The following ERGIC2 variants were observed in gnomAD, a reference collection of about 807,000 sequenced individuals.
ERGIC2 encodes the protein endoplasmic reticulum-Golgi intermediate compartment protein 2.
A neutral mutation model predicts 52.5 loss-of-function variants in ERGIC2; 31 were observed. That is an observed-to-expected ratio of 0.59 (90% CI 0.44 to 0.80). The LOEUF (loss-of-function observed/expected upper bound fraction) is 0.80, where lower values mean the gene tolerates loss of function less well. ERGIC2 is among the 30% of genes least tolerant of loss of function. The probability of loss-of-function intolerance (pLI) is 0.00; values close to 1 mark genes in which losing one functional copy is unlikely to be tolerated. For missense variants in ERGIC2, 395 were observed against 455.2 expected, an observed-to-expected ratio of 0.87 and a Z score of 1.20; for synonymous variants, 129 against 140.6, an observed-to-expected ratio of 0.92 and a Z score of 0.58.
rs1447445862 is a variant in ERGIC2, at chr12:29,340,870, C to G, written c.*286G>C. On this transcript the variant is annotated 3_prime_UTR_variant, in exon 14 of 14. Transcript: ENST00000360150. ...CAAGAAGCAATGTCTGATTTTGATA[C>G]CACCCATTTGCTATGAAAATATAAG... is the stretch of plus-strand genomic sequence containing the variant. 6 of 473,338 alleles carry G rather than the reference C, an allele frequency of 1.3e-5. No homozygotes were observed. The highest frequency in any genetic ancestry group is 4.0e-5 in the African/African-American group (2 of 49,534). The allele number at this position is 473,338 out of a possible 1,614,324, so 29.3% of individuals were successfully genotyped here.
intron 9 of ERGIC2, among the ~76,000 whole-genome samples, chr12:29,349,529 C>T (rs1313292235): frequency 2.6e-5 from 4 of 151,862 alleles, no homozygotes; most frequent in Non-Finnish European, 4.4e-5. Flanking sequence ...GAATGATGGC[C>T]ATGTGGCCAT....
chr12:29,344,358 C>A (rs981445637), intron 11 of ERGIC2, among the ~76,000 whole-genome samples: 11 of 152,198 alleles, frequency 7.2e-5, no homozygotes, highest in African/African-American at 2.7e-4. Context: ...GATTATGCCA[C>A]TTTGCATCCC....
intron 10 of ERGIC2, among the ~76,000 whole-genome samples, chr12:29,347,044 T>G (rs1341908226): frequency 6.6e-6 from 1 of 152,218 alleles, no homozygotes; most frequent in Non-Finnish European, 1.5e-5. Flanking sequence ...AATATGGTCT[T>G]AAATTTAAGC....
rs149508306 is a variant in ERGIC2 at position 29,373,522 on chromosome 12, A to G, written c.-37-1852T>C. On this transcript the variant is annotated intron_variant, in intron 1 of 13. Transcript: ENST00000360150. ...ATAGGCAAAAGAAAGAAGATTCATA[A>G]AGAAAAAGAAGGGCCAGAGAATGAA... Among the ~76,000 whole-genome samples, 28 of 152,328 alleles carry G rather than the reference A, an allele frequency of 1.8e-4. 1 individual carries two copies. In the East Asian group the frequency reaches 5.4e-3, roughly 29 times the overall value.
At chr12:29,365,737 A>C (rs1264064458) in intron 5 of ERGIC2, among the ~76,000 whole-genome samples, 2 of 152,012 alleles carry the variant, frequency 1.3e-5, no homozygotes, top group Non-Finnish European at 2.9e-5. Context: ...ATGTAATACA[A>C]ATATTAAAAT....
At chr12:29,344,355 C>A (rs1345814224) in intron 11 of ERGIC2, among the ~76,000 whole-genome samples, 1 of 152,176 alleles carries the variant, frequency 6.6e-6, no homozygotes, top group Non-Finnish European at 1.5e-5. Flanking sequence ...AAAGATTATG[C>A]CACTTTGCAT....
intron 8 of ERGIC2, among the ~76,000 whole-genome samples, chr12:29,350,624 C>G (rs1440852047): frequency 6.6e-6 from 1 of 151,962 alleles, no homozygotes; most frequent in African/African-American, 2.4e-5. Context: ...TCTCCTAATA[C>G]TTATTTACTT....
At chr12:29,378,233 T>C (rs1192865029) in intron 1 of ERGIC2, among the ~76,000 whole-genome samples, 3 of 152,012 alleles carry the variant, frequency 2.0e-5, no homozygotes, top group Non-Finnish European at 1.5e-5. Flanking sequence ...GAGACTACAG[T>C]GATGTGTCTA....
At chr12:29,364,664 A>G (rs1242346327) in intron 5 of ERGIC2, among the ~76,000 whole-genome samples, 2 of 152,050 alleles carry the variant, frequency 1.3e-5, no homozygotes, top group East Asian at 3.8e-4. Context: ...CCAACAGAGT[A>G]AACAGACAAC....
Position 29,366,998 on chromosome 12 carries a change from C to A in ERGIC2, c.263-51G>T, listed in dbSNP as rs759834402. The A allele has an allele frequency of 7.8e-6, 9 of 1,150,292 alleles. No homozygotes were observed. The South Asian group carries it at 9.3e-5, about 12-fold the overall frequency. 71.3% of individuals were successfully genotyped at this position (1,150,292 alleles called of 1,614,324 possible). A position where few individuals can be genotyped will look rare whatever the true frequency, so the allele number is the denominator to read the frequency against. ...TTTACATTCTATGCTTGGAGGCAAA[C>A]CATCCCCAATATAAACAAATTAAGC... On this transcript the variant is annotated intron_variant, in intron 4 of 13. Coordinates refer to ENST00000360150, the MANE Select transcript of ERGIC2 (RefSeq NM_016570.3).
At chr12:29,358,182 A>T (rs1701612642) in intron 6 of ERGIC2, among the ~76,000 whole-genome samples, 1 of 152,172 alleles carries the variant, frequency 6.6e-6, no homozygotes, top group African/African-American at 2.4e-5. Flanking sequence ...CAAGTAACTG[A>T]TTTTCACTAC....
chr12:29,350,100 T>C (rs1379339410), intron 8 of ERGIC2, 32 bp from the exon 9 acceptor site: 2 of 1,260,544 alleles, frequency 1.6e-6, no homozygotes, highest in East Asian at 2.4e-5. Context: ...ATTAAAGTAG[T>C]ACCATTTATA....
intron 2 of ERGIC2, among the ~76,000 whole-genome samples, chr12:29,371,198 C>T (rs1940435336): frequency 6.6e-6 from 1 of 151,868 alleles, no homozygotes; most frequent in African/African-American, 2.4e-5. Context: ...TAGTATGATC[C>T]CTATTTCATG....
chr12:29,347,736 T>TC (rs1253298015), intron 10 of ERGIC2, among the ~76,000 whole-genome samples: 7 of 152,202 alleles, frequency 4.6e-5, no homozygotes, highest in African/African-American at 1.7e-4. Flanking sequence ...TTGATTTTTT[T>TC]CTTTTTGGAA....
intron 1 of ERGIC2, 109 bp from the exon 2 acceptor site, chr12:29,371,779 TC>T: frequency 1.8e-6 from 1 of 562,122 alleles, no homozygotes. Flanking sequence ...AACATTCTCA[TC>T]CCCCCTTAAA....
intron 5 of ERGIC2, among the ~76,000 whole-genome samples, chr12:29,363,863 AAC>A (rs1048215799): frequency 1.2e-4 from 19 of 152,100 alleles, no homozygotes; most frequent in Middle Eastern, 3.4e-3. Context: ...GAGTGACCAC[AAC>A]AGTTAGAATA....
At chr12:29,378,573 T>G (rs1940545762) in intron 1 of ERGIC2, among the ~76,000 whole-genome samples, 1 of 151,958 alleles carries the variant, frequency 6.6e-6, no homozygotes, top group Non-Finnish European at 1.5e-5. Flanking sequence ...TAGCTTAGCT[T>G]TACTTTGCAA....
chr12:29,356,418 T>C lies in ERGIC2; in HGVS notation c.536A>G (p.Asn179Ser), dbSNP rs754333757. 1.2e-5 allele frequency: 19 copies of C among 1,602,288 alleles called. No homozygotes were observed. Among genetic ancestry groups the C allele is most frequent in the Admixed American group, 6.7e-5 (4 of 60,008 alleles). ...ACRIHGHLYVNKVAGNFHITV... is the reference protein window; with the variant it reads ...ACRIHGHLYVSKVAGNFHITV... ...TATGTGAAAATTCCCTGCTACTTTA[T>C]TGACATATAGATGGCCATGAATTCT... Residue 179 changes from asparagine (N) to serine (S), a missense_variant, in exon 8 of 14, where the codon AAT becomes AGT. Asn to Ser is a conservative substitution (Grantham distance 46). Transcript: ENST00000360150.
intron 5 of ERGIC2, among the ~76,000 whole-genome samples, chr12:29,366,349 A>T (rs1021569869): frequency 4.6e-5 from 7 of 151,970 alleles, no homozygotes; most frequent in Non-Finnish European, 8.8e-5. Context: ...TAATAAGAAA[A>T]TGTCAGCATT....
Sources: gnomAD v4.1 joint callset for allele counts (sites outside exome capture counted in the v4.1 genomes callset) on GRCh38, gnomAD v4.1.1 for gene constraint, MANE v1.5 for transcripts, NCBI Gene and HGNC (gene_info 2026-07-23, HGNC 2026-07-21) for gene names.